ABCC4: variants seen among roughly 807,000 people sequenced by gnomAD.
The protein encoded by ABCC4 is ATP binding cassette subfamily C member 4 (PEL blood group), also known as ATP-binding cassette sub-family C member 4.
Under a neutral mutation model 168.5 loss-of-function variants are expected in ABCC4, and 102 were observed. The observed-to-expected ratio is 0.61, with a 90% CI of 0.52 to 0.71. ABCC4 has a LOEUF of 0.71. Among genes scored for constraint, ABCC4 ranks in the 30% least tolerant of loss-of-function variants. The pLI is 0.00. For synonymous variants in ABCC4, 617 were observed against 590.7 expected (o/e 1.04, Z -0.65); for missense variants, 1,402 against 1,605.8 (o/e 0.87, Z 2.17).
At chr13:95,223,894 T>C (rs2892707) in intron 4 of ABCC4, among the ~76,000 whole-genome samples, 116,276 of 151,980 alleles carry the variant, frequency 0.77, 44,955 homozygotes, top group Non-Finnish European at 0.84. Context: ...GCTGGTCTTA[T>C]CAGCAGTTTA....
intron 30 of ABCC4, 42 bp downstream of exon 30, chr13:95,034,563 G>A (rs201779602): frequency 4.7e-5 from 75 of 1,599,126 alleles, no homozygotes; most frequent in Non-Finnish European, 5.6e-5. Flanking sequence ...GGAGGGAGCC[G>A]CTGAGACAAA....
intron 20 of ABCC4, among the ~76,000 whole-genome samples, chr13:95,086,708 C>T (rs544386053): frequency 3.9e-5 from 6 of 152,292 alleles, no homozygotes; most frequent in Non-Finnish European, 7.3e-5. Context: ...AAATGTATTC[C>T]TATTTTCTGC....
intron 26 of ABCC4, among the ~76,000 whole-genome samples, chr13:95,061,650 C>A (rs2033301001): frequency 7.0e-6 from 1 of 143,704 alleles, no homozygotes; most frequent in Non-Finnish European, 1.5e-5. Flanking sequence ...CTCAGCTCCC[C>A]TCAATGACTA....
At position 95,021,008 on chromosome 13, in the gene ABCC4, G is replaced by C. The variant is rs560163792; in HGVS notation, c.*567C>G. ...TAACCATGTATCCATTTTTTTTTTT[G>C]ATGGGGAGTAAGGGGTACACACTCC... On this transcript the variant is annotated 3_prime_UTR_variant, in exon 31 of 31. Transcript: ENST00000645237. 4 of 145,690 alleles carry C rather than the reference G, an allele frequency of 2.7e-5. No homozygotes were observed. The highest frequency in any genetic ancestry group is 1.0e-4 in the African/African-American group (4 of 39,638). 9.0% of individuals were successfully genotyped at this position (145,690 alleles called of 1,614,324 possible).
Position 95,020,587 on chromosome 13 carries a change from T to A in ABCC4, c.*988A>T, listed in dbSNP as rs1301482442. On this transcript the variant is annotated 3_prime_UTR_variant, in exon 31 of 31. Coordinates refer to ENST00000645237, the MANE Select transcript of ABCC4 (RefSeq NM_005845.5). ...GGATGCATCCTGAGAACGTACTGCA[T>A]AATTATAGTCAATGCTTGCAATAAT... 1 of 152,372 alleles carries A rather than the reference T, an allele frequency of 6.6e-6. No individual in the cohort carries two copies. Among genetic ancestry groups the A allele is most frequent in the Non-Finnish European group, 1.5e-5 (1 of 68,030 alleles). 9.4% of individuals were successfully genotyped at this position (152,372 alleles called of 1,614,324 possible). A position where few individuals can be genotyped will look rare whatever the true frequency, so the allele number is the denominator to read the frequency against.
intron 20 of ABCC4, among the ~76,000 whole-genome samples, chr13:95,093,227 A>C (rs2034491925): frequency 6.6e-6 from 1 of 152,108 alleles, no homozygotes; most frequent in African/African-American, 2.4e-5. Flanking sequence ...AAACGAGGAA[A>C]GGACATAACC....
At chr13:95,174,284 A>G (rs1420347815) in intron 13 of ABCC4, among the ~76,000 whole-genome samples, 5 of 152,258 alleles carry the variant, frequency 3.3e-5, no homozygotes, top group Non-Finnish European at 7.3e-5. Context: ...TCATGATTGA[A>G]GTAAAACTGT....
chr13:95,027,554 G>A (rs1161308109), intron 30 of ABCC4, among the ~76,000 whole-genome samples: 1 of 152,148 alleles, frequency 6.6e-6, no homozygotes, highest in Non-Finnish European at 1.5e-5. Context: ...GATGGAGAAA[G>A]TATCATTTAA....
chr13:95,034,973 T>G (rs2032056684), intron 29 of ABCC4, among the ~76,000 whole-genome samples: 1 of 152,170 alleles, frequency 6.6e-6, no homozygotes, highest in African/African-American at 2.4e-5. Context: ...TCTAGACTAT[T>G]ATTCTGGGCA....
At chr13:95,156,910 T>C (rs7993886) in intron 19 of ABCC4, among the ~76,000 whole-genome samples, 2,446 of 152,042 alleles carry the variant, frequency 0.016, 47 homozygotes, top group East Asian at 0.086. Context: ...TTGACCAACA[T>C]CATGAAACCC....
intron 20 of ABCC4, among the ~76,000 whole-genome samples, chr13:95,086,639 T>C (rs1215164099): frequency 6.6e-6 from 1 of 152,242 alleles, no homozygotes; most frequent in East Asian, 1.9e-4. Flanking sequence ...TGGGATTCTG[T>C]TCCTGCTAGT....
chr13:95,271,579 G>A (rs1391620325), intron 1 of ABCC4, among the ~76,000 whole-genome samples: 2 of 152,130 alleles, frequency 1.3e-5, no homozygotes, highest in Non-Finnish European at 1.5e-5. Flanking sequence ...CTAGCAGTCC[G>A]GTATTTATGA....
chr13:95,089,423 G>T (rs7987081), intron 20 of ABCC4, among the ~76,000 whole-genome samples: 61 of 152,186 alleles, frequency 4.0e-4, no homozygotes, highest in African/African-American at 8.4e-4. Context: ...TTTGAGACCA[G>T]CCTGGCCAAC....
intron 21 of ABCC4, among the ~76,000 whole-genome samples, chr13:95,078,669 A>G (rs943289): frequency 0.93 from 142,197 of 152,194 alleles, 66,538 homozygotes; most frequent in Non-Finnish European, 0.96. Context: ...GGGTGATATT[A>G]GGAATAACAC....
At chr13:95,248,744 T>C (rs1044208915) in intron 1 of ABCC4, among the ~76,000 whole-genome samples, 1 of 152,086 alleles carries the variant, frequency 6.6e-6, no homozygotes, top group Non-Finnish European at 1.5e-5. Flanking sequence ...TGCCCACTTC[T>C]ACTAAAAACT....
At chr13:95,264,512 T>C (rs1400920438) in intron 1 of ABCC4, among the ~76,000 whole-genome samples, 1 of 152,232 alleles carries the variant, frequency 6.6e-6, no homozygotes, top group Non-Finnish European at 1.5e-5. Context: ...GCACTGAGGA[T>C]ACTGTATTTA....
chr13:95,271,702 T>C (rs1488172128), intron 1 of ABCC4, among the ~76,000 whole-genome samples: 3 of 152,198 alleles, frequency 2.0e-5, no homozygotes, highest in Non-Finnish European at 2.9e-5. Context: ...TAGCTTTATG[T>C]TCCTTTTCTA....
At chr13:95,122,342 C>T (rs2035598638) in intron 19 of ABCC4, among the ~76,000 whole-genome samples, 1 of 152,132 alleles carries the variant, frequency 6.6e-6, no homozygotes, top group African/African-American at 2.4e-5. Context: ...GAAATTGACC[C>T]ACAACAACCC....
intron 20 of ABCC4, among the ~76,000 whole-genome samples, chr13:95,107,136 A>G (rs893983486): frequency 3.3e-5 from 5 of 152,152 alleles, no homozygotes; most frequent in African/African-American, 1.2e-4. Context: ...AGTCACCTGT[A>G]ATCCCAGCTA....
Sources: gnomAD v4.1 joint callset for allele counts (sites outside exome capture counted in the v4.1 genomes callset) on GRCh38, gnomAD v4.1.1 for gene constraint, MANE v1.5 for transcripts, NCBI Gene and HGNC (gene_info 2026-07-23, HGNC 2026-07-21) for gene names.